Variants in MICU1 observed in about 807,000 individuals in gnomAD.
MICU1 encodes the protein calcium uptake protein 1, mitochondrial.
MICU1 carries 45 observed loss-of-function variants against 56.8 expected under a neutral mutation model. The ratio of observed to expected loss-of-function variants is 0.79; its 90% CI spans 0.62 to 1.02. The LOEUF (loss-of-function observed/expected upper bound fraction) is 1.02, where lower values mean the gene tolerates loss of function less well. Among genes scored for constraint, MICU1 ranks in the 50% least tolerant of loss-of-function variants. MICU1 has a pLI of 0.00. For missense variants in MICU1, 504 were observed against 587.1 expected, an observed-to-expected ratio of 0.86 and a Z score of 1.46; for synonymous variants, 186 against 195.1, an observed-to-expected ratio of 0.95 and a Z score of 0.39.
intron 10 of MICU1, among the ~76,000 whole-genome samples, chr10:72,398,984 C>T (rs952545047): frequency 6.6e-6 from 1 of 151,994 alleles, no homozygotes; most frequent in Admixed American, 6.6e-5. Flanking sequence ...GGCAGAGACA[C>T]AACAAAAAAA....
chr10:72,535,383 C>T (rs764846105), intron 4 of MICU1, among the ~76,000 whole-genome samples: 60 of 151,910 alleles, frequency 3.9e-4, no homozygotes, highest in Non-Finnish European at 6.5e-4. Context: ...AGGTAACCTC[C>T]CAAACTACTG....
intron 8 of MICU1, among the ~76,000 whole-genome samples, chr10:72,430,586 G>A (rs1384943554): frequency 6.7e-6 from 1 of 149,960 alleles, no homozygotes; most frequent in African/African-American, 2.5e-5. Context: ...TTTTAGATAG[G>A]GTCTCGCTCT....
chr10:72,595,589 A>G (rs1225812523), intron 1 of MICU1, among the ~76,000 whole-genome samples: 1 of 152,094 alleles, frequency 6.6e-6, no homozygotes, highest in African/African-American at 2.4e-5. Flanking sequence ...TAGCTATTTC[A>G]TTCATGCCAA....
At chr10:72,606,351 A>C (rs2132557323) in intron 1 of MICU1, among the ~76,000 whole-genome samples, 1 of 151,920 alleles carries the variant, frequency 6.6e-6, no homozygotes, top group Middle Eastern at 3.4e-3. Flanking sequence ...GTCTCTACTG[A>C]AAATACAAAA....
At position 72,423,251 on chromosome 10, in the gene MICU1, G is replaced by A. The variant is rs182811757; in HGVS notation, c.1054C>T (p.His352Tyr). 17 of 1,613,408 alleles carry A rather than the reference G, an allele frequency of 1.1e-5. No homozygotes were observed. In the Admixed American group the frequency reaches 2.5e-4, roughly 24 times the overall value. The change falls in exon 9 of 12, where the codon CAC becomes TAC. Residue 352 changes from histidine (H) to tyrosine (Y), a missense_variant. Physicochemically the swap from His to Tyr is moderately conservative, Grantham distance 83. Coordinates refer to ENST00000361114, the MANE Select transcript of MICU1 (RefSeq NM_001195518.2). Reference sequence around the variant, plus strand: ...CTACCTACCTTTCCTTCTTTGAAGTGCTTCTTGAGCTGCCTCTGCATGGCG... The same window carrying A: ...CTACCTACCTTTCCTTCTTTGAAGTACTTCTTGAGCTGCCTCTGCATGGCG... ...LTAMQRQLKK[H>Y]FKEGKGLTFQ... is the part of the protein sequence containing the mutation.
intron 4 of MICU1, among the ~76,000 whole-genome samples, chr10:72,534,413 A>T (rs1839572720): frequency 6.6e-6 from 1 of 152,190 alleles, no homozygotes; most frequent in African/African-American, 2.4e-5. Context: ...CATTTAGAAC[A>T]GTGCTTGATC....
chr10:72,625,732 C>T (rs948246808), intron 1 of MICU1, among the ~76,000 whole-genome samples: 2 of 152,140 alleles, frequency 1.3e-5, no homozygotes, highest in African/African-American at 4.8e-5. Flanking sequence ...GTTGCGAACC[C>T]GGCACTGGGA....
At chr10:72,420,768 C>G (rs1374868991) in intron 9 of MICU1, among the ~76,000 whole-genome samples, 3 of 151,658 alleles carry the variant, frequency 2.0e-5, no homozygotes, top group African/African-American at 4.8e-5. Context: ...TCAACCTCCC[C>G]AGGCTCAGGT....
chr10:72,383,100 G>C lies in MICU1; in HGVS notation c.1181-7228C>G, dbSNP rs61852401. Among the ~76,000 whole-genome samples, 1,026 of 152,176 alleles carry C rather than the reference G, an allele frequency of 6.7e-3. 10 individuals are homozygous for C. The highest frequency in any genetic ancestry group is 0.011 in the Non-Finnish European group (753 of 68,004). ...CTACGAAAAATTTTAAAAAACATTA[G>C]TTGGGCACGATGGTGCGCTCCTGCA... On this transcript the variant is annotated intron_variant, in intron 10 of 11. Transcript: ENST00000361114.
chr10:72,441,236 A>C (rs1864914358), intron 8 of MICU1, among the ~76,000 whole-genome samples: 1 of 152,120 alleles, frequency 6.6e-6, no homozygotes, highest in African/African-American at 2.4e-5. Flanking sequence ...AGGATGAGTT[A>C]ATGTCCTTTG....
At chr10:72,605,111 G>C (rs181658962) in intron 1 of MICU1, among the ~76,000 whole-genome samples, 3 of 152,086 alleles carry the variant, frequency 2.0e-5, no homozygotes, top group Non-Finnish European at 4.4e-5. Flanking sequence ...AATAAAACAG[G>C]GTGCAGTAAA....
chr10:72,620,845 C>CT (rs1842087530), intron 1 of MICU1, among the ~76,000 whole-genome samples: 1 of 152,220 alleles, frequency 6.6e-6, no homozygotes, highest in South Asian at 2.1e-4. Flanking sequence ...CCACAGCTAC[C>CT]TTTTTTTGCT....
At chr10:72,525,122 T>C (rs1867926444) in intron 5 of MICU1, among the ~76,000 whole-genome samples, 1 of 151,828 alleles carries the variant, frequency 6.6e-6, no homozygotes, top group African/African-American at 2.4e-5. Flanking sequence ...AAAATTATGC[T>C]GCATTAAATA....
chr10:72,474,829 T>A (rs2132267637), intron 8 of MICU1, among the ~76,000 whole-genome samples: 1 of 152,360 alleles, frequency 6.6e-6, no homozygotes, highest in Middle Eastern at 3.4e-3. Flanking sequence ...CTGTGACCCC[T>A]GAGTTTCTTT....
At chr10:72,568,542 A>C (rs1044550036) in intron 1 of MICU1, among the ~76,000 whole-genome samples, 2 of 152,124 alleles carry the variant, frequency 1.3e-5, no homozygotes, top group African/African-American at 4.8e-5. Context: ...CTGATCCTTC[A>C]AACTGGCATC....
At chr10:72,551,423 T>G in intron 3 of MICU1, 82 bp from the exon 4 acceptor site, 2 of 934,052 alleles carry the variant, frequency 2.1e-6, no homozygotes, top group East Asian at 6.0e-5. Context: ...TGCTCATCAA[T>G]TCTCATATAT....
In MICU1 at chr10:72,489,552, A is replaced by G. The variant is rs1866587533; in HGVS notation, c.653-12296T>C. Reference sequence around the variant, plus strand: ...ACATAACAGGCTGAATTAACTAGAAAGGGATATTCTTTGCTACAAAAGGGT... The same window carrying G: ...ACATAACAGGCTGAATTAACTAGAAGGGGATATTCTTTGCTACAAAAGGGT... On this transcript the variant is annotated intron_variant, in intron 6 of 11. Transcript: ENST00000361114. Among the ~76,000 whole-genome samples, 2 of 152,280 alleles carry G rather than the reference A, an allele frequency of 1.3e-5. 1 individual carries two copies. Among genetic ancestry groups the G allele is most frequent in the African/African-American group, 4.8e-5 (2 of 41,556 alleles).
intron 9 of MICU1, among the ~76,000 whole-genome samples, chr10:72,414,028 T>TA (rs1863906898): frequency 6.6e-6 from 1 of 152,170 alleles, no homozygotes; most frequent in Admixed American, 6.5e-5. Context: ...TATATTCACA[T>TA]GGAGATGTGA....
At chr10:72,405,595 A>C (rs1362612711) in intron 10 of MICU1, among the ~76,000 whole-genome samples, 2 of 152,044 alleles carry the variant, frequency 1.3e-5, no homozygotes, top group Non-Finnish European at 2.9e-5. Flanking sequence ...AAAAAATTAC[A>C]GACCAATATC....
Sources: allele counts gnomAD v4.1 joint callset (sites outside exome capture counted in the v4.1 genomes callset), GRCh38; gene constraint gnomAD v4.1.1; transcripts MANE v1.5; gene names NCBI Gene and HGNC (gene_info 2026-07-23, HGNC 2026-07-21).